Variants in ABR observed in about 807,000 individuals in gnomAD.
ABR encodes the protein active breakpoint cluster region-related protein.
Under a neutral mutation model 107.2 loss-of-function variants are expected in ABR, and 35 were observed. The observed-to-expected ratio is 0.33, with a 90% CI of 0.25 to 0.43. ABR has a LOEUF of 0.43. Among genes scored for constraint, ABR ranks in the 20% least tolerant of loss-of-function variants. The pLI, the probability that ABR is intolerant of heterozygous loss-of-function variation, is 1.00. For synonymous variants in ABR, 498 were observed against 462.0 expected, an observed-to-expected ratio of 1.08 and a Z score of -1.00; for missense variants, 815 against 1,115.2, an observed-to-expected ratio of 0.73 and a Z score of 3.83.
rs1280493618 is a variant in ABR at position 1,071,591 on chromosome 17, G to C, written c.894+1023C>G. On this transcript the variant is annotated intron_variant, in intron 8 of 22. Coordinates refer to ENST00000302538, the MANE Select transcript of ABR (RefSeq NM_021962.5). This position sits in a 1 kb window ranked among gnomAD's most constrained non-coding sequence, Gnocchi z 5.1. The stretch of plus-strand genomic sequence containing the variant: ...ATGCAGGTGCCCACTGGACATTCCG[G>C]CAACCTGGACGGCCTCCACCACCTC... Among the ~76,000 whole-genome samples, 1 of 152,242 alleles carries C rather than the reference G, an allele frequency of 6.6e-6. No homozygotes were observed. Among genetic ancestry groups the C allele is most frequent in the Non-Finnish European group, 1.5e-5 (1 of 68,046 alleles).
rs536811283 is a variant in ABR, at chr17:1,120,112, TGTG to T, written c.246+5068_246+5070del. ...CGAGCCCCAGTTTTCGCACCTGTAA[TGTG>T]GAGATGGTTATAGCACCTACCTCAT... On this transcript the variant is annotated intron_variant, in intron 2 of 22. Coordinates refer to ENST00000302538, the MANE Select transcript of ABR (RefSeq NM_021962.5). Among the ~76,000 whole-genome samples the T allele has an allele frequency of 1.6e-4, 25 of 152,228 alleles. No homozygotes were observed. The South Asian group carries it at 5.2e-3, about 32-fold the overall frequency.
intron 2 of ABR, among the ~76,000 whole-genome samples, chr17:1,123,129 C>A (rs998638025): frequency 3.9e-5 from 6 of 152,204 alleles, no homozygotes; most frequent in Admixed American, 1.3e-4. Context: ...GCAATCCCTG[C>A]AGAGTCCACT....
At chr17:1,204,070 C>G (rs1231393718) in intron 1 of ABR, among the ~76,000 whole-genome samples, 1 of 152,250 alleles carries the variant, frequency 6.6e-6, no homozygotes, top group Non-Finnish European at 1.5e-5. Context: ...TCTCCCTCAT[C>G]TCGGCCTGGG....
chr17:1,143,009 G>GA (rs2040359120), intron 1 of ABR, among the ~76,000 whole-genome samples: 2 of 147,554 alleles, frequency 1.4e-5, no homozygotes, highest in Non-Finnish European at 3.0e-5. Flanking sequence ...CTCATTCCTG[G>GA]GGACAGCTCG....
rs368987350 is a variant in ABR, at chr17:1,226,757, C to T, written c.838+2036G>A. 2.5e-3 allele frequency among the ~76,000 whole-genome samples: 195 copies of T among 77,170 alleles called. 1 individual carries two copies. In the Middle Eastern group the frequency reaches 0.053, roughly 21 times the overall value. 50.6% of individuals were successfully genotyped at this position (77,170 alleles called of 152,430 possible). A position where few individuals can be genotyped will look rare whatever the true frequency, so the allele number is the denominator to read the frequency against. Reference sequence around the variant, plus strand: ...TCACGTATATACATGTGCTGCTGTGCGTGTGTGTGCATGCATGTGACAGTG... The same window carrying T: ...TCACGTATATACATGTGCTGCTGTGTGTGTGTGTGCATGCATGTGACAGTG... On this transcript the variant is annotated intron_variant, in intron 1 of 22. Coordinates refer to the ABR transcript ENST00000574139.
In ABR at chr17:1,210,026, A is replaced by G. The variant is rs1203564038; in HGVS notation, c.838+18767T>C. 1.3e-5 allele frequency among the ~76,000 whole-genome samples: 2 copies of G among 152,232 alleles called. No homozygotes were observed. The highest frequency in any genetic ancestry group is 2.9e-5 in the Non-Finnish European group (2 of 68,046). ...CAAAGTGCCTTCAGAACCTCCAACA[A>G]ATTAAAAAAAGAAAACACATATCTT... On this transcript the variant is annotated intron_variant, in intron 1 of 22. Transcript: ENST00000574139. The surrounding 1 kb of genome is among the most constrained non-coding windows in gnomAD (Gnocchi z 5.6).
At position 1,157,057 on chromosome 17, in the gene ABR, C is replaced by T. The variant is rs746263132; in HGVS notation, c.61+22610G>A. On this transcript the variant is annotated intron_variant, in intron 1 of 22. Coordinates refer to ENST00000302538, the MANE Select transcript of ABR (RefSeq NM_021962.5). The surrounding 1 kb of genome is among the most constrained non-coding windows in gnomAD (Gnocchi z 4.7). The stretch of plus-strand genomic sequence containing the variant: ...CATACGATAAGTTAACTCACCGCAG[C>T]CTCACACCGCGCCAGGAGGCAGGCA... Among the ~76,000 whole-genome samples the T allele has an allele frequency of 6.6e-6, 1 of 152,182 alleles. No individual in the cohort carries two copies. Among genetic ancestry groups the T allele is most frequent in the African/African-American group, 2.4e-5 (1 of 41,440 alleles).
At chr17:1,175,052 A>T (rs1359060921) in intron 1 of ABR, among the ~76,000 whole-genome samples, 1 of 152,204 alleles carries the variant, frequency 6.6e-6, no homozygotes, top group Non-Finnish European at 1.5e-5. Context: ...TAAAATAAAA[A>T]AATAACAAAG....
chr17:1,117,779 T>C (rs2039091759), intron 2 of ABR, among the ~76,000 whole-genome samples: 1 of 78,312 alleles, frequency 1.3e-5, no homozygotes. Flanking sequence ...TCCCTGAGCC[T>C]GAGTTCTCCC....
intron 16 of ABR, among the ~76,000 whole-genome samples, chr17:1,025,346 A>C (rs2072107150): frequency 6.6e-6 from 1 of 151,626 alleles, no homozygotes; most frequent in Non-Finnish European, 1.5e-5. Context: ...ATAAATAAAT[A>C]AACAGTGTGA....
At chr17:1,112,437 T>G (rs1186263931) in intron 2 of ABR, among the ~76,000 whole-genome samples, 1 of 152,224 alleles carries the variant, frequency 6.6e-6, no homozygotes, top group Non-Finnish European at 1.5e-5. Flanking sequence ...AGGAAAGGGT[T>G]AAGCAGCTTC....
Position 1,179,542 on chromosome 17 carries a change from G to C in ABR, c.61+125C>G. ...GATCTCGCCCCCGCCCGCGCTCCCCGGACCAGCCCGGTGCCTGGGTCCCGA... is the reference window on the plus strand; with the variant it reads ...GATCTCGCCCCCGCCCGCGCTCCCCCGACCAGCCCGGTGCCTGGGTCCCGA... On this transcript the variant is annotated intron_variant, in intron 1 of 22. Transcript: ENST00000302538. This position sits in a 1 kb window ranked among gnomAD's most constrained non-coding sequence, Gnocchi z 4.9. 9.8e-7 allele frequency: 1 copy of C among 1,015,560 alleles called. No individual in the cohort carries two copies. 62.9% of individuals were successfully genotyped at this position (1,015,560 alleles called of 1,614,324 possible).
intron 16 of ABR, among the ~76,000 whole-genome samples, chr17:1,022,769 C>G (rs2071797258): frequency 6.6e-6 from 1 of 152,248 alleles, no homozygotes; most frequent in Admixed American, 6.5e-5. Flanking sequence ...GGTGTGCCCA[C>G]CTGCCATACC....
chr17:1,187,654 C>T (rs575263449), upstream of ABR, among the ~76,000 whole-genome samples: 2 of 152,278 alleles, frequency 1.3e-5, no homozygotes, highest in East Asian at 3.9e-4. Context: ...CTTTGGGAGG[C>T]CAGTGTGGGC....
At chr17:1,061,569 G>C (rs1220802656) in intron 10 of ABR, among the ~76,000 whole-genome samples, 2 of 150,548 alleles carry the variant, frequency 1.3e-5, no homozygotes, top group Non-Finnish European at 3.0e-5. Flanking sequence ...TTGAGATGGA[G>C]TCCCACTCAC....
At chr17:1,192,203 G>A (rs766622268), upstream of ABR, among the ~76,000 whole-genome samples, 2 of 152,050 alleles carry the variant, frequency 1.3e-5, no homozygotes, top group African/African-American at 2.4e-5. Context: ...TCTCGAACTC[G>A]TAGGCTCAAG....
chr17:1,181,050 ATC>A (rs1219020790), upstream of ABR, among the ~76,000 whole-genome samples: 1 of 145,544 alleles, frequency 6.9e-6, no homozygotes, highest in Admixed American at 6.8e-5. Context: ...ACCCCACCCC[ATC>A]CCCAGGCAGC....
intron 2 of ABR, among the ~76,000 whole-genome samples, chr17:1,104,196 T>C (rs2038094772): frequency 6.6e-6 from 1 of 152,170 alleles, no homozygotes; most frequent in Admixed American, 6.5e-5. Flanking sequence ...AATGCAGTCC[T>C]GGTGGGTTCG....
intron 16 of ABR, chr17:1,039,722 A>G (rs1051936916): frequency 2.0e-5 from 3 of 152,244 alleles, no homozygotes; most frequent in Non-Finnish European, 4.4e-5. Flanking sequence ...TGCCTGGGGA[A>G]CTGGCACAGG....
Sources: gnomAD v4.1 joint callset for allele counts (sites outside exome capture counted in the v4.1 genomes callset) on GRCh38, gnomAD v4.1.1 for gene constraint, Gnocchi (gnomAD v3.1) non-coding constraint, MANE v1.5 for transcripts, NCBI Gene and HGNC (gene_info 2026-07-23, HGNC 2026-07-21) for gene names.